Variants in PPM1B observed in about 807,000 individuals in gnomAD.
PPM1B encodes the protein protein phosphatase 1B.
PPM1B carries 22 observed loss-of-function variants against 43.0 expected under a neutral mutation model. The ratio of observed to expected loss-of-function variants is 0.51; its 90% CI spans 0.37 to 0.73. The LOEUF (loss-of-function observed/expected upper bound fraction) is 0.73. Ranked by LOEUF, PPM1B falls within the 30% of genes least tolerant of loss-of-function variation. The pLI is 0.00. For missense variants in PPM1B, 632 were observed against 584.2 expected (o/e 1.08, Z -0.84); for synonymous variants, 217 against 197.9 (o/e 1.10, Z -0.81).
intron 5 of PPM1B, among the ~76,000 whole-genome samples, chr2:44,227,000 G>T (rs539132348): frequency 6.7e-5 from 10 of 150,014 alleles, no homozygotes; most frequent in Non-Finnish European, 1.5e-4. Context: ...GAATGACAGG[G>T]TCTTCCTCCA....
At chr2:44,208,757 T>C (rs1297009648) in intron 2 of PPM1B, among the ~76,000 whole-genome samples, 1 of 152,230 alleles carries the variant, frequency 6.6e-6, no homozygotes, top group Middle Eastern at 3.2e-3. Flanking sequence ...TTTTGGGTAT[T>C]CTGCCGAATA....
chr2:44,234,665 C>T (rs1670563766), downstream of PPM1B: 1 of 977,610 alleles, frequency 1.0e-6, no homozygotes. Flanking sequence ...CCTGGCTATT[C>T]TCAAGTATTT....
chr2:44,218,651 C>A, intron 5 of PPM1B, 114 bp downstream of exon 5: 2 of 696,538 alleles, frequency 2.9e-6, no homozygotes, highest in Non-Finnish European at 4.7e-6. Context: ...TAGTAAATTA[C>A]TACTGCTTTT....
chr2:44,232,600 G>A (rs925517190), downstream of PPM1B: 8 of 1,284,168 alleles, frequency 6.2e-6, no homozygotes, highest in African/African-American at 1.1e-4. Flanking sequence ...TGAACTTTCG[G>A]CCCTAGAAAC....
chr2:44,191,989 G>A (rs1418426912), intron 1 of PPM1B, among the ~76,000 whole-genome samples: 1 of 151,628 alleles, frequency 6.6e-6, no homozygotes, highest in East Asian at 1.9e-4. Flanking sequence ...TTCTCTAATA[G>A]CTGTTAGTTT....
chr2:44,229,579 C>T (rs1670378773), intron 5 of PPM1B, among the ~76,000 whole-genome samples: 1 of 152,046 alleles, frequency 6.6e-6, no homozygotes, highest in African/African-American at 2.4e-5. Flanking sequence ...CCCTTTTTTC[C>T]TGTAAACTGG....
At chr2:44,224,455 CAAAAAAAAAAA>C (rs75767532) in intron 5 of PPM1B, among the ~76,000 whole-genome samples, 3 of 84,678 alleles carry the variant, frequency 3.5e-5, no homozygotes, top group African/African-American at 4.7e-5. Flanking sequence ...ACTCCGTCTC[CAAAAAAAAAAA>C]AAAAAAAAAG....
At chr2:44,194,671 C>T (rs1401542771) in intron 1 of PPM1B, among the ~76,000 whole-genome samples, 1 of 151,290 alleles carries the variant, frequency 6.6e-6, no homozygotes, top group Non-Finnish European at 1.5e-5. Flanking sequence ...TGCAGTGAGC[C>T]GAGATCGCGC....
chr2:44,201,299 GT>G lies in PPM1B; in HGVS notation c.101del (p.Val34GlyfsTer11). 1 of 1,614,192 alleles carries G rather than the reference GT, an allele frequency of 6.2e-7. No homozygotes were observed. Among genetic ancestry groups the G allele is most frequent in the South Asian group, 1.1e-5 (1 of 91,084 alleles). The stretch of plus-strand genomic sequence containing the variant: ...CCTGAGCAGCATGCAAGGATGGAGA[GT>G]GGAAATGGAAGATGCACACACAGCT... ...YGLSSMQGWR[V>X]EMEDAHTAVV... On this transcript the variant is annotated frameshift_variant, in exon 2 of 6. Coordinates refer to ENST00000282412, the MANE Select transcript of PPM1B (RefSeq NM_002706.6). LOFTEE classifies it high-confidence loss of function. The surrounding 1 kb of genome is among the most constrained non-coding windows in gnomAD (Gnocchi z 5.4).
intron 5 of PPM1B, among the ~76,000 whole-genome samples, chr2:44,228,578 A>G (rs1670330029): frequency 2.0e-5 from 3 of 152,228 alleles, no homozygotes; most frequent in African/African-American, 4.8e-5. Context: ...TTGCAAAAGT[A>G]TATGTAATAG....
intron 5 of PPM1B, 122 bp downstream of exon 5, chr2:44,218,659 T>A (rs944822622): frequency 2.9e-6 from 2 of 685,854 alleles, no homozygotes; most frequent in Admixed American, 3.4e-5. Flanking sequence ...TACTACTGCT[T>A]TTCATTTTAA....
At chr2:44,219,657 C>A (rs1397343722) in intron 5 of PPM1B, among the ~76,000 whole-genome samples, 1 of 151,876 alleles carries the variant, frequency 6.6e-6, no homozygotes, top group African/African-American at 2.4e-5. Context: ...AAGAATTGTA[C>A]CCAAGGCCGG....
chr2:44,221,692 G>A (rs947678570), intron 5 of PPM1B, among the ~76,000 whole-genome samples: 6 of 152,016 alleles, frequency 3.9e-5, no homozygotes, highest in African/African-American at 7.2e-5. Context: ...GCTTTATGTC[G>A]GAGAGAATTG....
chr2:44,187,202 T>C (rs1668165466), intron 1 of PPM1B, among the ~76,000 whole-genome samples: 1 of 152,254 alleles, frequency 6.6e-6, no homozygotes, highest in Non-Finnish European at 1.5e-5. Context: ...TTTTTGTGAC[T>C]GACATGTTGT....
chr2:44,226,934 T>TTATG (rs1328580636), intron 5 of PPM1B, among the ~76,000 whole-genome samples: 4 of 112,312 alleles, frequency 3.6e-5, no homozygotes, highest in Non-Finnish European at 5.2e-5. Flanking sequence ...GGGAAACTTT[T>TTATG]TATTTATTTA....
rs1459289423 is a variant in PPM1B at position 44,230,578 on chromosome 2, G to GCCACAGCTA, written c.1302_1310dup (p.Thr435_Thr437dup). 1 of 1,614,026 alleles carries GCCACAGCTA rather than the reference G, an allele frequency of 6.2e-7. No homozygotes were observed. On this transcript the variant is annotated inframe_insertion, in exon 6 of 6. Transcript: ENST00000282412. ...AGAAGAAAGCCCTGCTGAACCAGCT[G>GCCACAGCTA]CCACAGCTACTTCTTCGAACAGTGA...
intron 1 of PPM1B, among the ~76,000 whole-genome samples, chr2:44,183,829 T>G (rs1404027122): frequency 6.6e-6 from 1 of 152,162 alleles, no homozygotes. Context: ...AGCTCCGCCT[T>G]CCGGGTTCAC....
chr2:44,242,556 G>C (rs1399406565), intron 5 of PPM1B, among the ~76,000 whole-genome samples: 4 of 152,130 alleles, frequency 2.6e-5, no homozygotes, highest in African/African-American at 7.2e-5. Context: ...TTCAGGAAGA[G>C]GGTACACATT....
downstream of PPM1B, chr2:44,232,175 C>A: frequency 7.8e-7 from 1 of 1,288,060 alleles, no homozygotes; most frequent in Non-Finnish European, 1.1e-6. Flanking sequence ...ATGCAATACA[C>A]AACATCTCTC....
Sources: allele counts gnomAD v4.1 joint callset (sites outside exome capture counted in the v4.1 genomes callset), GRCh38; gene constraint gnomAD v4.1.1; non-coding constraint Gnocchi (gnomAD v3.1); transcripts MANE v1.5; gene names NCBI Gene and HGNC (gene_info 2026-07-23, HGNC 2026-07-21).